Variants in BEST4 observed in about 807,000 individuals in gnomAD.
BEST4 encodes the protein bestrophin-4.
In BEST4, 36 loss-of-function variants were observed where a neutral mutation model predicts 47.1. The observed-to-expected ratio is 0.76, with a 90% CI of 0.59 to 1.01. The LOEUF is 1.01. Among genes scored for constraint, BEST4 ranks in the 50% least tolerant of loss-of-function variants. The pLI, the probability that BEST4 is intolerant of heterozygous loss-of-function variation, is 0.00. For missense variants in BEST4, 550 were observed against 648.6 expected (o/e 0.85, Z 1.65); for synonymous variants, 250 against 277.8 (o/e 0.90, Z 1.00).
In BEST4 at chr1:44,786,569, G is replaced by A; in HGVS notation, c.375C>T (p.Arg125=). ...GGTTCGCGTAGCGGATGAGGGTGCG[G>A]CGCAGCAGGCGGCCCCGCTGGTCCA... ...HGVDQRGRLL[R]RTLIRYANLA... is the part of the protein sequence containing the mutation. Residue 125 remains arginine (R), a synonymous_variant, in exon 3 of 9, where the codon CGC becomes CGT. Coordinates refer to ENST00000372207, the MANE Select transcript of BEST4 (RefSeq NM_153274.3). This position sits in a 1 kb window ranked among gnomAD's most constrained non-coding sequence, Gnocchi z 4.9. 2 of 1,550,182 alleles carry A rather than the reference G, an allele frequency of 1.3e-6. No individual in the cohort carries two copies. Among genetic ancestry groups the A allele is most frequent in the Non-Finnish European group, 1.7e-6 (2 of 1,147,088 alleles).
At chr1:44,787,261 G>A (rs1481968322) in intron 2 of BEST4, 111 bp downstream of exon 2, 94 of 1,035,600 alleles carry the variant, frequency 9.1e-5, no homozygotes, top group Non-Finnish European at 3.9e-5. Flanking sequence ...GACTGCAGGT[G>A]TGTCACCACA....
In BEST4 at chr1:44,784,716, T is replaced by C. The variant is rs942555009; in HGVS notation, c.1061A>G (p.Asp354Gly). Residue 354 changes from aspartate to glycine, a missense_variant, in exon 8 of 9, where the codon GAT becomes GGT. Asp to Gly is a moderately conservative substitution (Grantham distance 94, BLOSUM62 -1). Around this residue, in one of 3 missense-constraint regions of BEST4, gnomAD observed 255 missense variants for 286.6 expected, o/e 0.89. Coordinates refer to ENST00000372207, the MANE Select transcript of BEST4 (RefSeq NM_153274.3). This position sits in a 1 kb window ranked among gnomAD's most constrained non-coding sequence, Gnocchi z 6.2. ...LPPAEKDQYW[D>G]EDQPQPPYTV... is the part of the protein sequence containing the mutation. Reference sequence around the variant, plus strand: ...GTAGGGTGGCTGCGGCTGGTCCTCATCCCAGTACTGGTCCTTCTCAGCGGG... The same window carrying C: ...GTAGGGTGGCTGCGGCTGGTCCTCACCCCAGTACTGGTCCTTCTCAGCGGG... The C allele has an allele frequency of 1.9e-6, 3 of 1,609,808 alleles. No homozygotes were observed. The highest frequency in any genetic ancestry group is 1.3e-5 in the African/African-American group (1 of 74,876).
At position 44,784,397 on chromosome 1, in the gene BEST4, AGCAACGGGGTCTGCGCGGCGG is replaced by A. The variant is rs1244644192; in HGVS notation, c.1214_1234del (p.Pro405_Leu411del). ...CGCCCCTACGCCCAGGAAGCGGCCGAGCAACGGGGTCTGCGCGGCGGGCGCGGGCCGACCAGATCCGGGGGA... is the reference window on the plus strand; with the variant it reads ...CGCCCCTACGCCCAGGAAGCGGCCGAGCGCGGGCCGACCAGATCCGGGGGA... On this transcript the variant is annotated inframe_deletion, in exon 9 of 9. Coordinates refer to ENST00000372207, the MANE Select transcript of BEST4 (RefSeq NM_153274.3). The surrounding 1 kb of genome is among the most constrained non-coding windows in gnomAD (Gnocchi z 6.2). 7.1e-7 allele frequency: 1 copy of A among 1,405,654 alleles called. No individual in the cohort carries two copies. Among genetic ancestry groups the A allele is most frequent in the Admixed American group, 3.3e-5 (1 of 29,960 alleles). The allele number at this position is 1,405,654 out of a possible 1,614,324, so 87.1% of individuals were successfully genotyped here.
chr1:44,786,154 C>T lies in BEST4; in HGVS notation c.556G>A (p.Val186Ile), dbSNP rs1271271628. 5 of 1,613,960 alleles carry T rather than the reference C, an allele frequency of 3.1e-6. No homozygotes were observed. The South Asian group carries it at 3.3e-5, about 11-fold the overall frequency. ...SDFNKYWVPC[V>I]WFTNLAAQAR... ...TGGGCCGCCAGGTTGGTGAACCAGA[C>T]GCAGGGGACCCAGTACTTGTTGAAG... Residue 186 changes from valine (V) to isoleucine (I), a missense_variant, in exon 4 of 9, where the codon GTC becomes ATC. Val to Ile is a conservative substitution (Grantham distance 29). Coordinates refer to ENST00000372207, the MANE Select transcript of BEST4 (RefSeq NM_153274.3). The surrounding 1 kb of genome is among the most constrained non-coding windows in gnomAD (Gnocchi z 4.9).
In BEST4 at chr1:44,784,568, G is replaced by A. The variant is rs746548544; in HGVS notation, c.1148+61C>T. 92 of 1,555,912 alleles carry A rather than the reference G, an allele frequency of 5.9e-5. 1 individual carries two copies. Among genetic ancestry groups the A allele is most frequent in the Non-Finnish European group, 7.9e-5 (91 of 1,152,612 alleles). On this transcript the variant is annotated intron_variant, in intron 8 of 8. Transcript: ENST00000372207. The surrounding 1 kb of genome is among the most constrained non-coding windows in gnomAD (Gnocchi z 6.2). Reference sequence around the variant, plus strand: ...GCTCTCGGGGAAGGACCGAGGCATCGGTGCCCCAGAGGCTGAGCGAGGACC... The same window carrying A: ...GCTCTCGGGGAAGGACCGAGGCATCAGTGCCCCAGAGGCTGAGCGAGGACC...
In BEST4 at chr1:44,786,752, C is replaced by A; in HGVS notation, c.248-56G>T. The A allele has an allele frequency of 7.2e-7, 1 of 1,382,748 alleles. No homozygotes were observed. Among genetic ancestry groups the A allele is most frequent in the South Asian group, 1.3e-5 (1 of 75,826 alleles). The allele number at this position is 1,382,748 out of a possible 1,614,324, so 85.7% of individuals were successfully genotyped here. ...AAGGGAGAGTGGAGAGCCTGGGGGT[C>A]GGAGCGCCTCACCTCCCCCAGCAAA... On this transcript the variant is annotated intron_variant, in intron 2 of 8. Coordinates refer to ENST00000372207, the MANE Select transcript of BEST4 (RefSeq NM_153274.3). This position sits in a 1 kb window ranked among gnomAD's most constrained non-coding sequence, Gnocchi z 4.9.
downstream of BEST4, among the ~76,000 whole-genome samples, chr1:44,782,149 A>G (rs536726429): frequency 1.8e-4 from 27 of 151,856 alleles, no homozygotes; most frequent in African/African-American, 6.0e-4. Context: ...TTCTTTCTCT[A>G]AAGTCTTGAA....
chr1:44,785,751 G>A (rs1192199959), intron 4 of BEST4, 75 bp from the exon 5 acceptor site: 3 of 1,297,556 alleles, frequency 2.3e-6, no homozygotes, highest in Non-Finnish European at 3.3e-6. Context: ...ACTAGGCCTG[G>A]GCCTGGCCAG....
chr1:44,787,261 G>T, intron 2 of BEST4, 111 bp downstream of exon 2: 1 of 1,035,710 alleles, frequency 9.7e-7, no homozygotes, highest in Non-Finnish European at 1.5e-6. Flanking sequence ...GACTGCAGGT[G>T]TGTCACCACA....
chr1:44,786,155 G>A lies in BEST4; in HGVS notation c.555C>T (p.Cys185=). The change falls in exon 4 of 9, where the codon TGC becomes TGT. Residue 185 remains cysteine, a synonymous_variant. Coordinates refer to ENST00000372207, the MANE Select transcript of BEST4 (RefSeq NM_153274.3). The surrounding 1 kb of genome is among the most constrained non-coding windows in gnomAD (Gnocchi z 4.9). ...KSDFNKYWVP[C]VWFTNLAAQA... Reference sequence around the variant, plus strand: ...GGGCCGCCAGGTTGGTGAACCAGACGCAGGGGACCCAGTACTTGTTGAAGT... The same window carrying A: ...GGGCCGCCAGGTTGGTGAACCAGACACAGGGGACCCAGTACTTGTTGAAGT... 1 of 1,614,082 alleles carries A rather than the reference G, an allele frequency of 6.2e-7. No individual in the cohort carries two copies. Among genetic ancestry groups the A allele is most frequent in the Non-Finnish European group, 8.5e-7 (1 of 1,179,970 alleles).
At position 44,784,896 on chromosome 1, in the gene BEST4, C is replaced by A. The variant is rs780220883; in HGVS notation, c.993+9G>T. ...CTGCCCTGGACTCCTGATCCTGATG[C>A]TTGCTCACCTGCAAGTTGCGGTCTA... On this transcript the variant is annotated intron_variant, in intron 7 of 8. Transcript: ENST00000372207. The surrounding 1 kb of genome is among the most constrained non-coding windows in gnomAD (Gnocchi z 6.2). 2.5e-6 allele frequency: 4 copies of A among 1,613,938 alleles called. No individual in the cohort carries two copies. Among genetic ancestry groups the A allele is most frequent in the Non-Finnish European group, 3.4e-6 (4 of 1,179,932 alleles).
chr1:44,782,646 A>G (rs971483723), downstream of BEST4, among the ~76,000 whole-genome samples: 6 of 128,708 alleles, frequency 4.7e-5, no homozygotes, highest in African/African-American at 3.0e-4. Flanking sequence ...ATAAATAAAT[A>G]AATAAATAAA....
intron 6 of BEST4, 47 bp downstream of exon 6, chr1:44,785,061 C>G (rs762392753): frequency 6.2e-7 from 1 of 1,610,672 alleles, no homozygotes; most frequent in Non-Finnish European, 8.5e-7. Flanking sequence ...AGCCCCTCTG[C>G]CCACATCTCC....
In BEST4 at chr1:44,783,715, C is replaced by T. The variant is rs1238860329; in HGVS notation, c.*495G>A. On this transcript the variant is annotated 3_prime_UTR_variant, in exon 9 of 9. Transcript: ENST00000372207. ...CCAGGGTAAGGTATACCCCTTCAAGCACGTTTCACATGACTCTCAAATTGT... is the reference window on the plus strand; with the variant it reads ...CCAGGGTAAGGTATACCCCTTCAAGTACGTTTCACATGACTCTCAAATTGT... 1 of 153,312 alleles carries T rather than the reference C, an allele frequency of 6.5e-6. No homozygotes were observed. The highest frequency in any genetic ancestry group is 1.5e-5 in the Non-Finnish European group (1 of 68,912). 9.5% of individuals were successfully genotyped at this position (153,312 alleles called of 1,614,324 possible).
chr1:44,784,579 G>C lies in BEST4; in HGVS notation c.1148+50C>G. 1 of 1,574,014 alleles carries C rather than the reference G, an allele frequency of 6.4e-7. No homozygotes were observed. Among genetic ancestry groups the C allele is most frequent in the South Asian group, 1.2e-5 (1 of 86,834 alleles). ...AGGACCGAGGCATCGGTGCCCCAGA[G>C]GCTGAGCGAGGACCCGCGTGCCGGG... On this transcript the variant is annotated intron_variant, in intron 8 of 8. Coordinates refer to ENST00000372207, the MANE Select transcript of BEST4 (RefSeq NM_153274.3). This position sits in a 1 kb window ranked among gnomAD's most constrained non-coding sequence, Gnocchi z 6.2.
Position 44,784,287 on chromosome 1 carries a change from C to T in BEST4, c.1345G>A (p.Glu449Lys). Residue 449 changes from glutamate to lysine, a missense_variant, in exon 9 of 9, where the codon GAG (glutamate) becomes AAG (lysine). Transcript: ENST00000372207. This position sits in a 1 kb window ranked among gnomAD's most constrained non-coding sequence, Gnocchi z 6.2. ...PPHLLRFRAE[E>K]GGDPEAAARI... is the part of the protein sequence containing the mutation. ...GCTGCGGCCTCGGGGTCGCCGCCCT[C>T]CTCCGCCCGGAAGCGCAGCAGATGC... is the stretch of plus-strand genomic sequence containing the variant. 7.0e-7 allele frequency: 1 copy of T among 1,420,378 alleles called. No individual in the cohort carries two copies. The highest frequency in any genetic ancestry group is 9.1e-7 in the Non-Finnish European group (1 of 1,098,588). 88.0% of individuals were successfully genotyped at this position (1,420,378 alleles called of 1,614,324 possible). A position where few individuals can be genotyped will look rare whatever the true frequency, so the allele number is the denominator to read the frequency against.
Position 44,786,208 on chromosome 1 carries a change from T to A in BEST4, c.502A>T (p.Arg168Trp), listed in dbSNP as rs1651213707. 1.9e-6 allele frequency: 3 copies of A among 1,613,478 alleles called. No individual in the cohort carries two copies. In the African/African-American group the frequency reaches 4.0e-5, roughly 22 times the overall value. ...GATTTCAGGCTCTCAAACTTTTTCCTCTCTTCCTGGGACATGAAACCTGAG... is the reference window on the plus strand; with the variant it reads ...GATTTCAGGCTCTCAAACTTTTTCCACTCTTCCTGGGACATGAAACCTGAG... The part of the protein sequence containing the change: ...VDAGFMSQEE[R>W]KKFESLKSDF... The change falls in exon 4 of 9, where the codon AGG (arginine) becomes TGG (tryptophan). Residue 168 changes from arginine to tryptophan, a missense_variant. By Grantham distance (101) the Arg-to-Trp change is moderately radical (BLOSUM62 -3). Around this residue, in one of 3 missense-constraint regions of BEST4, gnomAD observed 291 missense variants for 342.4 expected, o/e 0.85. Transcript: ENST00000372207. This position sits in a 1 kb window ranked among gnomAD's most constrained non-coding sequence, Gnocchi z 4.9.
At chr1:44,788,316 T>C (rs1204176195), upstream of BEST4, among the ~76,000 whole-genome samples, 1 of 152,212 alleles carries the variant, frequency 6.6e-6, no homozygotes, top group Non-Finnish European at 1.5e-5. Flanking sequence ...CCCTGTAGGG[T>C]TGGGCTGGCC....
intron 5 of BEST4, 73 bp from the exon 6 acceptor site, chr1:44,785,378 A>C (rs1447658571): frequency 1.2e-5 from 17 of 1,444,062 alleles, no homozygotes; most frequent in Non-Finnish European, 1.6e-5. Context: ...GCCTCTGAGG[A>C]TCTATGGGAA....
Sources: gnomAD v4.1 joint callset for allele counts (sites outside exome capture counted in the v4.1 genomes callset) on GRCh38, gnomAD v4.1.1 for gene constraint, gnomAD v4.1.1 regional missense constraint, Gnocchi (gnomAD v3.1) non-coding constraint, MANE v1.5 for transcripts, NCBI Gene and HGNC (gene_info 2026-07-23, HGNC 2026-07-21) for gene names.